FES: variants seen among roughly 807,000 people sequenced by gnomAD.
The protein encoded by FES is FES proto-oncogene, tyrosine kinase, also known as tyrosine-protein kinase Fes/Fps.
FES carries 83 observed loss-of-function variants against 109.6 expected under a neutral mutation model. The observed-to-expected ratio is 0.76, with a 90% confidence interval of 0.63 to 0.91. The LOEUF (loss-of-function observed/expected upper bound fraction) is 0.91, where lower values mean the gene tolerates loss of function less well. Ranked by LOEUF, FES falls within the 40% of genes least tolerant of loss-of-function variation. The probability of loss-of-function intolerance (pLI) is 0.00; values close to 1 mark genes in which losing one functional copy is unlikely to be tolerated. For missense variants in FES, 943 were observed against 1,070.9 expected (o/e 0.88, Z 1.67); for synonymous variants, 458 against 442.1 (o/e 1.04, Z -0.45).
chr15:90,889,532 C>T lies in FES; in HGVS notation c.822C>T (p.Val274=), dbSNP rs953942527. The change falls in exon 7 of 19, where the codon GTC becomes GTT. Residue 274 remains valine (V), a synonymous_variant. Transcript: ENST00000328850. The surrounding 1 kb of genome is among the most constrained non-coding windows in gnomAD (Gnocchi z 6.1). ...TCCCCCACAGGTCCGCACCTGACGTCCCACCCTGTGTCACGTTCGATGAGT... is the reference window on the plus strand; with the variant it reads ...TCCCCCACAGGTCCGCACCTGACGTTCCACCCTGTGTCACGTTCGATGAGT... The part of the protein sequence containing the change: ...FLRQYGSAPD[V]PPCVTFDESL... 1.2e-6 allele frequency: 2 copies of T among 1,613,882 alleles called. No homozygotes were observed. Among genetic ancestry groups the T allele is most frequent in the Admixed American group, 1.7e-5 (1 of 60,022 alleles).
At position 90,889,933 on chromosome 15, in the gene FES, T is replaced by G; in HGVS notation, c.1020T>G (p.Asn340Lys). The G allele has an allele frequency of 6.2e-7, 1 of 1,613,046 alleles. No homozygotes were observed. Among genetic ancestry groups the G allele is most frequent in the Non-Finnish European group, 8.5e-7 (1 of 1,179,882 alleles). Residue 340 changes from asparagine to lysine, a missense_variant, in exon 8 of 19, where the codon AAT becomes AAG. Transcript: ENST00000328850. The surrounding 1 kb of genome is among the most constrained non-coding windows in gnomAD (Gnocchi z 6.1). ...MVTQLQQELR[N>K]EEENTHPRER... ...CGCAGCTGCAACAGGAGCTCCGGAA[T>G]GAAGAGGAGAACACCCACCCCCGGG...
chr15:90,891,718 G>C, intron 12 of FES, 42 bp downstream of exon 12: 1 of 1,610,612 alleles, frequency 6.2e-7, no homozygotes, highest in Non-Finnish European at 8.5e-7. Context: ...CTGTGGCAGG[G>C]CTTGGGGAGT....
intron 3 of FES, among the ~76,000 whole-genome samples, chr15:90,886,028 G>C (rs1036166138): frequency 6.6e-6 from 1 of 152,216 alleles, no homozygotes; most frequent in Non-Finnish European, 1.5e-5. Flanking sequence ...AAGTCAGCCT[G>C]CCTAGGTTTG....
intron 18 of FES, 85 bp downstream of exon 18, chr15:90,894,143 A>G: frequency 1.4e-6 from 2 of 1,470,210 alleles, no homozygotes; most frequent in Admixed American, 1.9e-5. Context: ...CTTAATGCCA[A>G]CCTTCCCACC....
At position 90,889,890 on chromosome 15, in the gene FES, G is replaced by A. The variant is rs1236915722; in HGVS notation, c.977G>A (p.Arg326Lys). The A allele has an allele frequency of 6.2e-7, 1 of 1,613,656 alleles. No homozygotes were observed. The highest frequency in any genetic ancestry group is 1.7e-5 in the Admixed American group (1 of 60,004). The change falls in exon 8 of 19, where the codon AGG becomes AAG. Residue 326 changes from arginine (R) to lysine (K), a missense_variant. Arg to Lys is a conservative substitution (Grantham distance 26). Coordinates refer to ENST00000328850, the MANE Select transcript of FES (RefSeq NM_002005.4). This position sits in a 1 kb window ranked among gnomAD's most constrained non-coding sequence, Gnocchi z 6.1. ...GCTGTGGCCACCGAGATGGTGTTCA[G>A]GCGGCAGGAGATGGTTACGCAGCTG... Reference protein sequence around the residue: ...ELAVATEMVFRRQEMVTQLQQ... With the variant: ...ELAVATEMVFKRQEMVTQLQQ...
chr15:90,888,852 A>G (rs1346024929), intron 5 of FES, among the ~76,000 whole-genome samples: 1 of 151,810 alleles, frequency 6.6e-6, no homozygotes, highest in Non-Finnish European at 1.5e-5. Context: ...ATCTTGGCTC[A>G]CTGCAACCTC....
Position 90,887,222 on chromosome 15 carries a change from C to A in FES, c.520C>A (p.Arg174Ser), listed in dbSNP as rs201771040. 8 of 1,613,474 alleles carry A rather than the reference C, an allele frequency of 5.0e-6. No homozygotes were observed. Among genetic ancestry groups the A allele is most frequent in the Non-Finnish European group, 6.8e-6 (8 of 1,179,982 alleles). ...DRDKAKDKYVRSLWKLFAHHN... is the reference protein window; with the variant it reads ...DRDKAKDKYVSSLWKLFAHHN... ...TGACAAGGCTAAGGACAAGTATGTGCGCAGCCTGTGGAAGCTCTTTGCTCA... is the reference window on the plus strand; with the variant it reads ...TGACAAGGCTAAGGACAAGTATGTGAGCAGCCTGTGGAAGCTCTTTGCTCA... The change falls in exon 5 of 19, where the codon CGC becomes AGC. Residue 174 changes from arginine to serine, a missense_variant. Coordinates refer to ENST00000328850, the MANE Select transcript of FES (RefSeq NM_002005.4).
Position 90,887,012 on chromosome 15 carries a change from C to G in FES, c.439C>G (p.Arg147Gly). 6.2e-7 allele frequency: 1 copy of G among 1,614,146 alleles called. No individual in the cohort carries two copies. The highest frequency in any genetic ancestry group is 8.5e-7 in the Non-Finnish European group (1 of 1,180,038). ...KLKSQYRALA[R>G]DSAQAKRKYQ... ...GAAGAGCCAGTACCGAGCTCTGGCA[C>G]GGGACAGTGCCCAAGCCAAGCGCAA... The change falls in exon 4 of 19, where the codon CGG becomes GGG. Residue 147 changes from arginine (R) to glycine (G), a missense_variant. Coordinates refer to ENST00000328850, the MANE Select transcript of FES (RefSeq NM_002005.4).
In FES at chr15:90,893,535, G is replaced by C. The variant is rs2856849; in HGVS notation, c.2046-119G>C. The C allele has an allele frequency of 0.022, 32,979 of 1,493,148 alleles. 5,416 individuals are homozygous for C. In the African/African-American group the frequency reaches 0.38, roughly 17 times the overall value. The allele number at this position is 1,493,148 out of a possible 1,614,324, so 92.5% of individuals were successfully genotyped here. On this transcript the variant is annotated intron_variant, in intron 16 of 18. Transcript: ENST00000328850. ...AGCTCCAGAGGGGGAGTTGGCCTCT[G>C]TGGTAGACAGGGGTGCCCAGGGCCG...
At position 90,885,142 on chromosome 15, in the gene FES, T is replaced by C; in HGVS notation, c.97T>C (p.Trp33Arg). The stretch of plus-strand genomic sequence containing the variant: ...TCGTCTACTGGAGGGCATGAGAAAG[T>C]GGATGGCCCAGCGGGTCAAGAGTGA... ...ELRLLEGMRK[W>R]MAQRVKSDRE... The change falls in exon 2 of 19, where the codon TGG (tryptophan) becomes CGG (arginine). Residue 33 changes from tryptophan to arginine, a missense_variant. Physicochemically the swap from Trp to Arg is moderately radical, Grantham distance 101. Coordinates refer to ENST00000328850, the MANE Select transcript of FES (RefSeq NM_002005.4). The C allele has an allele frequency of 6.2e-7, 1 of 1,613,978 alleles. No homozygotes were observed. Among genetic ancestry groups the C allele is most frequent in the South Asian group, 1.1e-5 (1 of 91,090 alleles).
chr15:90,891,739 C>T lies in FES; in HGVS notation c.1653+63C>T. ...CAGGGCTTGGGGAGTGTGGGTCAGG[C>T]CCACCCAGCGTCTGAGCAGAAAGGG... On this transcript the variant is annotated intron_variant, in intron 12 of 18. Coordinates refer to ENST00000328850, the MANE Select transcript of FES (RefSeq NM_002005.4). 2.5e-6 allele frequency: 4 copies of T among 1,601,024 alleles called. No homozygotes were observed. The South Asian group carries it at 3.3e-5, about 13-fold the overall frequency.
rs748788762 is a variant in FES at position 90,894,011 on chromosome 15, C to T, written c.2279C>T (p.Pro760Leu). The change falls in exon 18 of 19, where the codon CCC becomes CTC. Residue 760 changes from proline to leucine, a missense_variant. By Grantham distance (98) the Pro-to-Leu change is moderately conservative. Coordinates refer to ENST00000328850, the MANE Select transcript of FES (RefSeq NM_002005.4). ...GAGACCTTCAGCCTGGGGGCCTCCC[C>T]CTATCCCAACCTCAGCAATCAGCAG... ...LWETFSLGAS[P>L]YPNLSNQQTR... The T allele has an allele frequency of 6.2e-7, 1 of 1,613,896 alleles. No homozygotes were observed. Among genetic ancestry groups the T allele is most frequent in the Non-Finnish European group, 8.5e-7 (1 of 1,179,996 alleles).
At chr15:90,894,887 C>G (rs1260810682) in intron 18 of FES, among the ~76,000 whole-genome samples, 1 of 152,024 alleles carries the variant, frequency 6.6e-6, no homozygotes, top group East Asian at 1.9e-4. Context: ...GCCAACATGG[C>G]AAAACCTGTC....
chr15:90,892,185 A>G, intron 13 of FES, 74 bp downstream of exon 13: 1 of 1,542,832 alleles, frequency 6.5e-7, no homozygotes, highest in Non-Finnish European at 8.9e-7. Context: ...CTGCCCTACC[A>G]CCCAGAGACC....
At chr15:90,893,519 G>A (rs1009286402) in intron 16 of FES, 105 bp downstream of exon 16, 4 of 1,493,286 alleles carry the variant, frequency 2.7e-6, no homozygotes, top group Non-Finnish European at 3.6e-6. Flanking sequence ...CAGCTCCAGA[G>A]GGGGAGTTGG....
rs2033390015 is a variant in FES, at chr15:90,893,184, G to A, written c.1911G>A (p.Glu637=). ...AGCAGCCCATCTACATCGTCATGGA[G>A]CTTGTGCAGGGTGAGCGCGGGGCGC... is the stretch of plus-strand genomic sequence containing the variant. ...TQKQPIYIVM[E]LVQGGDFLTF... is the part of the protein sequence containing the mutation. The change falls in exon 15 of 19, where the codon GAG becomes GAA. Residue 637 remains glutamate, a synonymous_variant. Coordinates refer to ENST00000328850, the MANE Select transcript of FES (RefSeq NM_002005.4). 3 of 1,613,950 alleles carry A rather than the reference G, an allele frequency of 1.9e-6. No homozygotes were observed. Among genetic ancestry groups the A allele is most frequent in the Non-Finnish European group, 2.5e-6 (3 of 1,179,970 alleles).
chr15:90,893,638 GC>G lies in FES; in HGVS notation c.2046-13del, dbSNP rs1051312748. On this transcript the variant is annotated splice_polypyrimidine_tract_variant and intron_variant, in intron 16 of 18. Coordinates refer to ENST00000328850, the MANE Select transcript of FES (RefSeq NM_002005.4). ...GCGACTGTTGGCCAAATGAGCCCCTGCCCTGTCTCACCCAGGGACCTGGCTG... is the reference window on the plus strand; with the variant it reads ...GCGACTGTTGGCCAAATGAGCCCCTGCCTGTCTCACCCAGGGACCTGGCTG... The G allele has an allele frequency of 1.9e-6, 3 of 1,564,342 alleles. No homozygotes were observed. The African/African-American group carries it at 4.1e-5, about 21-fold the overall frequency.
rs896708582 is a variant in FES at position 90,889,134 on chromosome 15, GA to G, written c.669-169del. ...CCAGTGTCCCTCTTATATATATCAG[GA>G]AATAGAAGATTAGGGAGAGGTTAAA... is the stretch of plus-strand genomic sequence containing the variant. On this transcript the variant is annotated intron_variant, in intron 5 of 18. Transcript: ENST00000328850. This position sits in a 1 kb window ranked among gnomAD's most constrained non-coding sequence, Gnocchi z 6.1. 52 of 765,480 alleles carry G rather than the reference GA, an allele frequency of 6.8e-5. No homozygotes were observed. The highest frequency in any genetic ancestry group is 8.9e-5 in the Non-Finnish European group (43 of 484,854). 47.4% of individuals were successfully genotyped at this position (765,480 alleles called of 1,614,324 possible).
Position 90,889,795 on chromosome 15 carries a change from G to A in FES, c.927-45G>A. The A allele has an allele frequency of 6.2e-7, 1 of 1,610,556 alleles. No individual in the cohort carries two copies. Among genetic ancestry groups the A allele is most frequent in the Non-Finnish European group, 8.5e-7 (1 of 1,178,108 alleles). ...GGGATGCACTGGACCTGGGTTGAGG[G>A]GGCAGGAGGGCTCGGTTCTAATGCT... On this transcript the variant is annotated intron_variant, in intron 7 of 18. Coordinates refer to ENST00000328850, the MANE Select transcript of FES (RefSeq NM_002005.4). The surrounding 1 kb of genome is among the most constrained non-coding windows in gnomAD (Gnocchi z 6.1).
Sources: gnomAD v4.1 joint callset for allele counts (sites outside exome capture counted in the v4.1 genomes callset) on GRCh38, gnomAD v4.1.1 for gene constraint, Gnocchi (gnomAD v3.1) non-coding constraint, MANE v1.5 for transcripts, NCBI Gene and HGNC (gene_info 2026-07-23, HGNC 2026-07-21) for gene names.